The following NPLOC4 variants were observed in gnomAD, a reference collection of about 807,000 sequenced individuals.
NPLOC4 encodes nuclear protein localization protein 4 homolog.
A neutral mutation model predicts 80.6 loss-of-function variants in NPLOC4; 18 were observed. The observed-to-expected ratio is 0.22, with a 90% confidence interval of 0.15 to 0.33. The LOEUF (loss-of-function observed/expected upper bound fraction) is 0.33, where lower values mean the gene tolerates loss of function less well. Ranked by LOEUF, NPLOC4 falls within the 10% of genes least tolerant of loss-of-function variation. The pLI, the probability that NPLOC4 is intolerant of heterozygous loss-of-function variation, is 1.00. For synonymous variants in NPLOC4, 313 were observed against 301.5 expected, an observed-to-expected ratio of 1.04 and a Z score of -0.39; for missense variants, 540 against 786.1, an observed-to-expected ratio of 0.69 and a Z score of 3.74.
In NPLOC4 at chr17:81,577,530, C is replaced by T. The variant is rs2034334239; in HGVS notation, c.1282-5442G>A. ...TAGCTCAACGCACTCTTCTCTTCTC[C>T]CTCTGAACCACGGCTTGGCTCATCT... is the stretch of plus-strand genomic sequence containing the variant. On this transcript the variant is annotated intron_variant, in intron 12 of 16. Coordinates refer to ENST00000331134, the MANE Select transcript of NPLOC4 (RefSeq NM_017921.4). The surrounding 1 kb of genome is among the most constrained non-coding windows in gnomAD (Gnocchi z 4.3). Among the ~76,000 whole-genome samples the T allele has an allele frequency of 6.6e-6, 1 of 152,100 alleles. No homozygotes were observed. The highest frequency in any genetic ancestry group is 2.1e-4 in the South Asian group (1 of 4,832).
At chr17:81,624,269 T>G (rs2035740797) in intron 2 of NPLOC4, among the ~76,000 whole-genome samples, 1 of 151,760 alleles carries the variant, frequency 6.6e-6, no homozygotes, top group Non-Finnish European at 1.5e-5. Context: ...AATACAAAAA[T>G]TAGCTAGGCG....
intron 5 of NPLOC4, 98 bp downstream of exon 5, chr17:81,610,112 C>T (rs554193788): frequency 2.2e-5 from 25 of 1,112,346 alleles, no homozygotes; most frequent in Middle Eastern, 4.1e-4. Context: ...GAACCACTCA[C>T]TACAGCCAAG....
chr17:81,576,534 T>C (rs200732325), intron 12 of NPLOC4, among the ~76,000 whole-genome samples: 11 of 152,148 alleles, frequency 7.2e-5, no homozygotes, highest in Non-Finnish European at 1.0e-4. Context: ...TGAGGGGCAA[T>C]TGTACTTCCA....
chr17:81,606,855 A>G, intron 6 of NPLOC4, 41 bp from the exon 7 acceptor site: 1 of 1,587,816 alleles, frequency 6.3e-7, no homozygotes, highest in Non-Finnish European at 8.6e-7. Context: ...CATTGGTGAA[A>G]AGTTGAGCAA....
intron 11 of NPLOC4, among the ~76,000 whole-genome samples, chr17:81,595,688 G>A (rs1200799859): frequency 6.6e-6 from 1 of 151,644 alleles, no homozygotes; most frequent in Non-Finnish European, 1.5e-5. Context: ...GGGATTACAG[G>A]CGCCCACCAC....
intron 16 of NPLOC4, among the ~76,000 whole-genome samples, chr17:81,561,574 C>T (rs1195242359): frequency 6.6e-6 from 1 of 152,164 alleles, no homozygotes; most frequent in African/African-American, 2.4e-5. Context: ...AGAGATTCAA[C>T]TTAATAACTG....
intron 11 of NPLOC4, among the ~76,000 whole-genome samples, chr17:81,590,689 C>T (rs778988952): frequency 6.6e-6 from 1 of 152,028 alleles, no homozygotes; most frequent in Non-Finnish European, 1.5e-5. Context: ...ACCCTCAATA[C>T]CTCTATTTCA....
chr17:81,625,133 C>A (rs1410668091), intron 2 of NPLOC4, among the ~76,000 whole-genome samples: 2 of 152,128 alleles, frequency 1.3e-5, no homozygotes, highest in Admixed American at 1.3e-4. Context: ...CCAGGCCCAG[C>A]TGACGAGCAG....
chr17:81,623,031 C>T (rs1450576812), intron 2 of NPLOC4, among the ~76,000 whole-genome samples: 1 of 151,634 alleles, frequency 6.6e-6, no homozygotes, highest in Non-Finnish European at 1.5e-5. Context: ...CCCGTTTCTA[C>T]TAAAACTACA....
chr17:81,579,056 G>A (rs2034371313), intron 12 of NPLOC4, among the ~76,000 whole-genome samples: 2 of 152,160 alleles, frequency 1.3e-5, no homozygotes, highest in African/African-American at 4.8e-5. Flanking sequence ...GAGTACCTGG[G>A]GCCACAGGTG....
intron 12 of NPLOC4, among the ~76,000 whole-genome samples, chr17:81,582,460 G>A (rs542111691): frequency 1.3e-5 from 2 of 152,288 alleles, no homozygotes; most frequent in East Asian, 1.9e-4. Flanking sequence ...GGAGTACAGT[G>A]GTACAATCAT....
chr17:81,591,163 A>G (rs921336271), intron 11 of NPLOC4, among the ~76,000 whole-genome samples: 8 of 152,180 alleles, frequency 5.3e-5, no homozygotes, highest in African/African-American at 1.9e-4. Context: ...GGCTTGGCGC[A>G]GTGGTTCACG....
intron 2 of NPLOC4, among the ~76,000 whole-genome samples, chr17:81,628,990 T>C (rs1201070726): frequency 6.6e-6 from 1 of 151,530 alleles, no homozygotes; most frequent in African/African-American, 2.4e-5. Context: ...ATCATTCTCC[T>C]GCCTCAGCCT....
intron 11 of NPLOC4, among the ~76,000 whole-genome samples, chr17:81,592,367 G>A (rs1482640319): frequency 6.6e-6 from 1 of 152,162 alleles, no homozygotes; most frequent in Non-Finnish European, 1.5e-5. Flanking sequence ...GCACGCATGA[G>A]GATAAGCACT....
intron 12 of NPLOC4, among the ~76,000 whole-genome samples, chr17:81,584,414 G>A (rs1234162285): frequency 1.3e-5 from 2 of 152,186 alleles, no homozygotes; most frequent in East Asian, 3.9e-4. Flanking sequence ...TTACAATAAC[G>A]CATGGAAATA....
chr17:81,583,238 T>C (rs1045388161), intron 12 of NPLOC4, among the ~76,000 whole-genome samples: 13 of 152,240 alleles, frequency 8.5e-5, no homozygotes, highest in African/African-American at 2.9e-4. Flanking sequence ...CAGGAGGATG[T>C]ATAGGGTGTT....
intron 4 of NPLOC4, 178 bp downstream of exon 4, chr17:81,613,140 C>CAA: frequency 2.3e-6 from 1 of 434,688 alleles, no homozygotes; most frequent in Non-Finnish European, 3.5e-6. Context: ...AAAAAAAAAA[C>CAA]AAAAACCGAT....
rs541153132 is a variant in NPLOC4 at position 81,565,629 on chromosome 17, G to C, written c.1567-22C>G. 1.6e-5 allele frequency: 25 copies of C among 1,520,954 alleles called. No homozygotes were observed. The East Asian group carries it at 4.4e-4, about 27-fold the overall frequency. The allele number at this position is 1,520,954 out of a possible 1,614,324, so 94.2% of individuals were successfully genotyped here. ...TGTCCTACAAGAAGCCAAAAGGAAGGTTCCTCTTCGCTGTGCCTAAGGTGA... is the reference window on the plus strand; with the variant it reads ...TGTCCTACAAGAAGCCAAAAGGAAGCTTCCTCTTCGCTGTGCCTAAGGTGA... On this transcript the variant is annotated intron_variant, in intron 15 of 16. Coordinates refer to ENST00000331134, the MANE Select transcript of NPLOC4 (RefSeq NM_017921.4).
rs2036103661 is a variant in NPLOC4 at position 81,637,076 on chromosome 17, C to A, written c.-146G>T. The A allele has an allele frequency of 1.0e-5, 4 of 388,158 alleles. No homozygotes were observed. The highest frequency in any genetic ancestry group is 1.3e-5 in the Non-Finnish European group (3 of 236,612). 24.0% of individuals were successfully genotyped at this position (388,158 alleles called of 1,614,324 possible). A position where few individuals can be genotyped will look rare whatever the true frequency, so the allele number is the denominator to read the frequency against. On this transcript the variant is annotated 5_prime_UTR_variant, in exon 1 of 17. Transcript: ENST00000331134. ...CCGCTCCAGCTTCGCCCGCCCGGCT[C>A]CGCCAGCCGCCGACGTCCCGGTGCC...
Sources: allele counts gnomAD v4.1 joint callset (sites outside exome capture counted in the v4.1 genomes callset), GRCh38; gene constraint gnomAD v4.1.1; non-coding constraint Gnocchi (gnomAD v3.1); transcripts MANE v1.5; gene names NCBI Gene and HGNC (gene_info 2026-07-23, HGNC 2026-07-21).